MOSMO: variants seen among roughly 807,000 people sequenced by gnomAD.
MOSMO encodes the protein modulator of smoothened, also known as modulator of smoothened protein.
In MOSMO, 5 loss-of-function variants were observed where a neutral mutation model predicts 18.4. That is an observed-to-expected ratio of 0.27 (90% confidence interval 0.14 to 0.57). The LOEUF is 0.57. Among genes scored for constraint, MOSMO ranks in the 20% least tolerant of loss-of-function variants. The pLI, the probability that MOSMO is intolerant of heterozygous loss-of-function variation, is 0.92. For missense variants in MOSMO, 138 were observed against 211.8 expected, an observed-to-expected ratio of 0.65 and a Z score of 2.16; for synonymous variants, 82 against 82.3, an observed-to-expected ratio of 1.00 and a Z score of 0.02.
chr16:22,036,549 G>A (rs907070206), intron 1 of MOSMO, among the ~76,000 whole-genome samples: 2 of 152,198 alleles, frequency 1.3e-5, no homozygotes, highest in Non-Finnish European at 2.9e-5. Flanking sequence ...CTGTGCTCAA[G>A]TGATGCTCCT....
Position 22,038,447 on chromosome 16 carries a change from T to C in MOSMO, c.106+30040T>C, listed in dbSNP as rs146066690. On this transcript the variant is annotated intron_variant, in intron 1 of 2. Transcript: ENST00000542527. ...ACCAAAGTTGATAGATCAAGGACCC[T>C]AATAGTACCAGAGTGGTAAAGCATA... Among the ~76,000 whole-genome samples the C allele has an allele frequency of 7.2e-5, 11 of 152,270 alleles. 1 individual carries two copies. The East Asian group carries it at 2.1e-3, about 29-fold the overall frequency.
intron 1 of MOSMO, among the ~76,000 whole-genome samples, chr16:22,012,088 T>C (rs1199827721): frequency 2.0e-5 from 3 of 152,210 alleles, no homozygotes; most frequent in African/African-American, 7.2e-5. Context: ...ATGTGTTGGT[T>C]CCCTTTGGTG....
At chr16:22,085,670 C>T (rs1199093539), downstream of MOSMO, 1 of 152,102 alleles carries the variant, frequency 6.6e-6, no homozygotes, top group Non-Finnish European at 1.5e-5. Flanking sequence ...ATAGGAAAAA[C>T]ACCAAGACTA....
chr16:22,088,442 G>A (rs1901229839), downstream of MOSMO, among the ~76,000 whole-genome samples: 1 of 152,138 alleles, frequency 6.6e-6, no homozygotes, highest in East Asian at 1.9e-4. Context: ...TGTACATGAG[G>A]TTGCTTCCAG....
intron 1 of MOSMO, among the ~76,000 whole-genome samples, chr16:22,035,911 C>T (rs1380017721): frequency 3.3e-5 from 5 of 151,908 alleles, no homozygotes; most frequent in African/African-American, 1.2e-4. Flanking sequence ...AATGCATTGC[C>T]TTCTTAGTTT....
downstream of MOSMO, chr16:22,086,169 C>G (rs1164952838): frequency 6.6e-6 from 1 of 152,204 alleles, no homozygotes; most frequent in Non-Finnish European, 1.5e-5. Context: ...TCACTCTGAT[C>G]CATCCAAATC....
chr16:22,010,826 C>T (rs1261871014), intron 1 of MOSMO, among the ~76,000 whole-genome samples: 1 of 151,398 alleles, frequency 6.6e-6, no homozygotes, highest in Non-Finnish European at 1.5e-5. Context: ...GAGGCTGAGG[C>T]AAGAGAATTG....
chr16:22,013,263 A>G (rs1042310997), intron 1 of MOSMO, among the ~76,000 whole-genome samples: 1 of 152,146 alleles, frequency 6.6e-6, no homozygotes, highest in Non-Finnish European at 1.5e-5. Flanking sequence ...TTTGCATGTG[A>G]GATTTGAGTT....
At chr16:22,053,671 C>T (rs1206811813) in intron 1 of MOSMO, among the ~76,000 whole-genome samples, 4 of 151,992 alleles carry the variant, frequency 2.6e-5, no homozygotes, top group Admixed American at 6.6e-5. Context: ...GGTATTGTGG[C>T]GGGCACCTGT....
intron 1 of MOSMO, among the ~76,000 whole-genome samples, chr16:22,067,677 TG>T (rs753638578): frequency 6.6e-6 from 1 of 152,002 alleles, no homozygotes; most frequent in Non-Finnish European, 1.5e-5. Flanking sequence ...CTGGTCAACA[TG>T]GTGAAGCATG....
At chr16:22,062,421 C>T (rs1192339926) in intron 1 of MOSMO, among the ~76,000 whole-genome samples, 1 of 152,072 alleles carries the variant, frequency 6.6e-6, no homozygotes, top group African/African-American at 2.4e-5. Context: ...CTTCTGAGCT[C>T]AAGCAATCCT....
intron 1 of MOSMO, among the ~76,000 whole-genome samples, chr16:22,031,009 CAGTA>C (rs1458914554): frequency 6.6e-6 from 1 of 152,088 alleles, no homozygotes; most frequent in African/African-American, 2.4e-5. Flanking sequence ...GACCGGAAGT[CAGTA>C]AGAAGAGTGC....
intron 1 of MOSMO, among the ~76,000 whole-genome samples, chr16:22,010,607 G>A (rs929699404): frequency 2.0e-5 from 3 of 152,272 alleles, no homozygotes; most frequent in South Asian, 2.1e-4. Flanking sequence ...ATAAGTGATA[G>A]CATAACGTTC....
At chr16:22,025,338 T>C (rs1899854948) in intron 1 of MOSMO, among the ~76,000 whole-genome samples, 1 of 152,108 alleles carries the variant, frequency 6.6e-6, no homozygotes, top group Admixed American at 6.5e-5. Context: ...TCGGGAGCCA[T>C]AGGCAGTTAT....
At chr16:22,047,651 G>A (rs1013819461) in intron 1 of MOSMO, among the ~76,000 whole-genome samples, 3 of 152,086 alleles carry the variant, frequency 2.0e-5, no homozygotes, top group African/African-American at 7.2e-5. Flanking sequence ...TTCCCTATAT[G>A]CAGGTTTTTC....
chr16:22,025,417 G>A (rs1316490638), intron 1 of MOSMO, among the ~76,000 whole-genome samples: 1 of 152,038 alleles, frequency 6.6e-6, no homozygotes, highest in African/African-American at 2.4e-5. Context: ...TTACCATACC[G>A]ATTCTACTGT....
intron 1 of MOSMO, among the ~76,000 whole-genome samples, chr16:22,027,942 C>T (rs1289710111): frequency 6.6e-6 from 1 of 152,098 alleles, no homozygotes; most frequent in Non-Finnish European, 1.5e-5. Context: ...CTAACTATAA[C>T]CTTTTGGAAG....
intron 2 of MOSMO, among the ~76,000 whole-genome samples, chr16:22,079,209 G>A (rs1474517555): frequency 6.6e-6 from 1 of 152,154 alleles, no homozygotes; most frequent in African/African-American, 2.4e-5. Context: ...CAGCTGAAAT[G>A]TTTATCCAGG....
intron 1 of MOSMO, among the ~76,000 whole-genome samples, chr16:22,017,724 T>C (rs895807182): frequency 1.3e-5 from 2 of 152,226 alleles, no homozygotes; most frequent in Admixed American, 6.5e-5. Context: ...TTCAATAATA[T>C]ACCCTTACTG....
Sources: gnomAD v4.1 joint callset for allele counts (sites outside exome capture counted in the v4.1 genomes callset) on GRCh38, gnomAD v4.1.1 for gene constraint, MANE v1.5 for transcripts, NCBI Gene and HGNC (gene_info 2026-07-23, HGNC 2026-07-21) for gene names.